NYAP2: variants seen among roughly 807,000 people sequenced by gnomAD.
The protein encoded by NYAP2 is neuronal tyrosine-phosphorylated phosphoinositide-3-kinase adapter 2.
Under a neutral mutation model 50.4 loss-of-function variants are expected in NYAP2, and 23 were observed. The observed-to-expected ratio is 0.46, with a 90% CI of 0.33 to 0.65. The LOEUF (loss-of-function observed/expected upper bound fraction) is 0.65, where lower values mean the gene tolerates loss of function less well. Ranked by LOEUF, NYAP2 falls within the 30% of genes least tolerant of loss-of-function variation. NYAP2 has a pLI of 0.02. For missense variants in NYAP2, 885 were observed against 861.0 expected (o/e 1.03, Z -0.35); for synonymous variants, 394 against 365.2 (o/e 1.08, Z -0.90).
intron 3 of NYAP2, among the ~76,000 whole-genome samples, chr2:225,459,359 C>G (rs1247435786): frequency 6.6e-6 from 1 of 152,146 alleles, no homozygotes. Context: ...CCCCCAGTGA[C>G]TAACATAGTA....
the NYAP2 span, among the ~76,000 whole-genome samples, chr2:225,677,948 C>T: frequency 6.6e-6 from 1 of 152,004 alleles, no homozygotes; most frequent in Admixed American, 6.6e-5. Flanking sequence ...TAGGGAGAAA[C>T]TCCTCCTCCT....
intron 3 of NYAP2, among the ~76,000 whole-genome samples, chr2:225,460,261 A>G (rs1177170070): frequency 6.6e-6 from 1 of 152,156 alleles, no homozygotes; most frequent in African/African-American, 2.4e-5. Flanking sequence ...TTTCTTATTA[A>G]TCAGTTTGAC....
At chr2:225,628,046 G>C (rs993995263) in intron 6 of NYAP2, among the ~76,000 whole-genome samples, 2 of 94,680 alleles carry the variant, frequency 2.1e-5, no homozygotes, top group Non-Finnish European at 4.2e-5. Context: ...AGGATGAATG[G>C]TCTCTGCAAT....
chr2:225,613,053 A>G (rs1680116195), intron 5 of NYAP2, among the ~76,000 whole-genome samples: 1 of 152,176 alleles, frequency 6.6e-6, no homozygotes, highest in Non-Finnish European at 1.5e-5. Context: ...AAGGGAATTT[A>G]TTTAGGAGAA....
At chr2:225,661,586 T>G in the NYAP2 span, among the ~76,000 whole-genome samples, 3 of 152,188 alleles carry the variant, frequency 2.0e-5, no homozygotes, top group Non-Finnish European at 4.4e-5. Flanking sequence ...GGCTAAACAG[T>G]TTCTGTTACC....
chr2:225,410,350 A>G (rs772015369), intron 3 of NYAP2, among the ~76,000 whole-genome samples: 2 of 152,082 alleles, frequency 1.3e-5, no homozygotes, highest in Non-Finnish European at 2.9e-5. Flanking sequence ...GTTGAGGACT[A>G]TGTTATTTTG....
At chr2:225,665,528 G>A in the NYAP2 span, among the ~76,000 whole-genome samples, 7 of 150,776 alleles carry the variant, frequency 4.6e-5, no homozygotes, top group South Asian at 8.4e-4. Context: ...GTGAAGATTT[G>A]CTAAATCTGC....
intron 3 of NYAP2, among the ~76,000 whole-genome samples, chr2:225,411,344 GC>G (rs1413651392): frequency 6.6e-6 from 1 of 152,150 alleles, no homozygotes; most frequent in African/African-American, 2.4e-5. Flanking sequence ...TTCTGCCTAA[GC>G]TAGCAGAATG....
chr2:225,603,902 T>G (rs1692741261), intron 5 of NYAP2, among the ~76,000 whole-genome samples: 1 of 152,194 alleles, frequency 6.6e-6, no homozygotes, highest in Non-Finnish European at 1.5e-5. Context: ...CAATGGATAT[T>G]GAAACCCTCT....
chr2:225,515,599 A>C (rs1690915860), intron 4 of NYAP2, among the ~76,000 whole-genome samples: 1 of 152,162 alleles, frequency 6.6e-6, no homozygotes, highest in Non-Finnish European at 1.5e-5. Context: ...TTTTTTAAGA[A>C]ACAATGTATT....
intron 5 of NYAP2, among the ~76,000 whole-genome samples, chr2:225,584,245 ATTTTACATCTTAT>A (rs2106231420): frequency 6.6e-6 from 1 of 152,292 alleles, no homozygotes; most frequent in South Asian, 2.1e-4. Context: ...AGCCATGGTG[ATTTTACATCTTAT>A]TTCTATGATA....
chr2:225,511,495 AC>A (rs1303634663), intron 3 of NYAP2, among the ~76,000 whole-genome samples: 1 of 152,086 alleles, frequency 6.6e-6, no homozygotes, highest in African/African-American at 2.4e-5. Flanking sequence ...GCTTCTGGAT[AC>A]TGTTGATTTT....
At chr2:225,429,531 A>G (rs527301057) in intron 3 of NYAP2, among the ~76,000 whole-genome samples, 1 of 152,356 alleles carries the variant, frequency 6.6e-6, no homozygotes, top group South Asian at 2.1e-4. Flanking sequence ...GAAATCAATA[A>G]TATTCAGGTA....
intron 4 of NYAP2, among the ~76,000 whole-genome samples, chr2:225,538,538 G>A (rs1691391553): frequency 6.6e-6 from 1 of 152,154 alleles, no homozygotes. Context: ...AGGGCACCAA[G>A]TCCCTAGGCT....
intron 3 of NYAP2, among the ~76,000 whole-genome samples, chr2:225,474,435 T>C (rs1370761697): frequency 1.3e-5 from 2 of 152,186 alleles, no homozygotes; most frequent in Non-Finnish European, 2.9e-5. Flanking sequence ...ATTCTTCCTA[T>C]CCATGAGCAT....
At chr2:225,628,721 G>T (rs1418788508) in intron 6 of NYAP2, among the ~76,000 whole-genome samples, 1 of 152,100 alleles carries the variant, frequency 6.6e-6, no homozygotes, top group Non-Finnish European at 1.5e-5. Context: ...CTTATCAGTA[G>T]TTTTAAAGAA....
chr2:225,400,357 G>A (rs1694839958), intron 1 of NYAP2, 102 bp downstream of exon 1: 1 of 148,364 alleles, frequency 6.7e-6, no homozygotes. Flanking sequence ...GGAGTCAGGG[G>A]CAGGGAGGGA....
intron 3 of NYAP2, among the ~76,000 whole-genome samples, chr2:225,485,580 G>T (rs1223654594): frequency 6.6e-6 from 1 of 152,146 alleles, no homozygotes; most frequent in Non-Finnish European, 1.5e-5. Context: ...GACAATGGTG[G>T]GGAGGAGCCA....
intron 6 of NYAP2, among the ~76,000 whole-genome samples, chr2:225,629,101 G>C (rs775797911): frequency 6.6e-6 from 1 of 152,180 alleles, no homozygotes; most frequent in Non-Finnish European, 1.5e-5. Flanking sequence ...GTAGGCCCAG[G>C]AAAGAAAATA....
Sources: gnomAD v4.1 joint callset for allele counts (sites outside exome capture counted in the v4.1 genomes callset) on GRCh38, gnomAD v4.1.1 for gene constraint, MANE v1.5 for transcripts, NCBI Gene and HGNC (gene_info 2026-07-23, HGNC 2026-07-21) for gene names.